The following PTPN9 variants were observed in gnomAD, a reference collection of about 807,000 sequenced individuals.
PTPN9 encodes tyrosine-protein phosphatase non-receptor type 9.
Under a neutral mutation model 69.8 loss-of-function variants are expected in PTPN9, and 26 were observed. The observed-to-expected ratio is 0.37, with a 90% CI of 0.27 to 0.52. The LOEUF (loss-of-function observed/expected upper bound fraction) is 0.52. PTPN9 is among the 20% of genes least tolerant of loss of function. The probability of loss-of-function intolerance (pLI) is 0.91; values close to 1 mark genes in which losing one functional copy is unlikely to be tolerated. For synonymous variants in PTPN9, 274 were observed against 272.5 expected (o/e 1.01, Z -0.05); for missense variants, 549 against 740.3 (o/e 0.74, Z 3.00).
intron 5 of PTPN9, chr15:75,513,528 A>G: frequency 5.0e-6 from 2 of 398,632 alleles, no homozygotes; most frequent in South Asian, 1.8e-5. Context: ...GGACTTTGAG[A>G]GGCCAAGGTG....
chr15:75,481,933 G>A (rs543563738), intron 8 of PTPN9, among the ~76,000 whole-genome samples: 4 of 145,482 alleles, frequency 2.7e-5, no homozygotes, highest in African/African-American at 7.6e-5. Flanking sequence ...CCCTCTGCCC[G>A]GCCACCACCC....
At position 75,527,105 on chromosome 15, in the gene PTPN9, CT is replaced by C. The variant is rs770428114; in HGVS notation, c.207+12del. The C allele has an allele frequency of 5.6e-6, 9 of 1,613,986 alleles. No homozygotes were observed. The highest frequency in any genetic ancestry group is 1.6e-4 in the Middle Eastern group (1 of 6,084). On this transcript the variant is annotated intron_variant, in intron 2 of 12. Coordinates refer to ENST00000618819, the MANE Select transcript of PTPN9 (RefSeq NM_002833.4). ...CAACTGCCACAGGTCTGGTCTACCC[CT>C]GAGCCACATACTCTGTAGGAGTGGA... is the stretch of plus-strand genomic sequence containing the variant.
Position 75,555,724 on chromosome 15 carries a change from C to G in PTPN9, c.63+22990G>C, listed in dbSNP as rs1329686748. Among the ~76,000 whole-genome samples, 7 of 151,878 alleles carry G rather than the reference C, an allele frequency of 4.6e-5. No individual in the cohort carries two copies. The East Asian group carries it at 1.4e-3, about 29-fold the overall frequency. ...TTCGCCATATTGGCCAGGCTGGTCT[C>G]GAACTACTGGCCTCAAGTAATCCAC... On this transcript the variant is annotated intron_variant, in intron 1 of 12. Coordinates refer to ENST00000618819, the MANE Select transcript of PTPN9 (RefSeq NM_002833.4).
intron 1 of PTPN9, among the ~76,000 whole-genome samples, chr15:75,552,236 TAAA>T (rs1194927038): frequency 7.4e-6 from 1 of 135,724 alleles, no homozygotes; most frequent in Admixed American, 7.5e-5. Flanking sequence ...CCATCTCTAC[TAAA>T]AAAAAAAAAA....
chr15:75,501,409 G>C (rs573652135), intron 7 of PTPN9, among the ~76,000 whole-genome samples: 1 of 151,456 alleles, frequency 6.6e-6, no homozygotes, highest in East Asian at 1.9e-4. Context: ...GGACCCACTA[G>C]GATGGCTTCC....
intron 8 of PTPN9, chr15:75,487,423 G>A (rs2074685531): frequency 1.3e-5 from 2 of 151,870 alleles, no homozygotes; most frequent in African/African-American, 4.8e-5. Context: ...GTTTCAGTAA[G>A]GAGAGGGACT....
At chr15:75,525,653 C>A (rs2074924218) in intron 2 of PTPN9, among the ~76,000 whole-genome samples, 1 of 151,638 alleles carries the variant, frequency 6.6e-6, no homozygotes, top group Non-Finnish European at 1.5e-5. Context: ...CACGGTGGCT[C>A]ATGCCTGTAA....
rs1324322044 is a variant in PTPN9 at position 75,469,874 on chromosome 15, C to T, written c.1485G>A (p.Val495=). The part of the protein sequence containing the change: ...RVVRNQQSLA[V]SNMGARSKGQ... Reference sequence around the variant, plus strand: ...CTTTGGAGCGTGCTCCCATGTTGCTCACAGCCAGACTCTGCTGGTTTCTGA... The same window carrying T: ...CTTTGGAGCGTGCTCCCATGTTGCTTACAGCCAGACTCTGCTGGTTTCTGA... The change falls in exon 12 of 13, where the codon GTG becomes GTA. Residue 495 remains valine (V), a synonymous_variant. Coordinates refer to ENST00000618819, the MANE Select transcript of PTPN9 (RefSeq NM_002833.4). 1 of 1,614,096 alleles carries T rather than the reference C, an allele frequency of 6.2e-7. No individual in the cohort carries two copies. Among genetic ancestry groups the T allele is most frequent in the South Asian group, 1.1e-5 (1 of 91,072 alleles).
chr15:75,504,671 C>T (rs1451705920), intron 7 of PTPN9, among the ~76,000 whole-genome samples: 29 of 143,808 alleles, frequency 2.0e-4, no homozygotes, highest in African/African-American at 7.5e-4. Context: ...GGCCAGCCGC[C>T]CTGTCCGGGA....
chr15:75,505,708 C>T lies in PTPN9; in HGVS notation c.935G>A (p.Arg312His), dbSNP rs146356869. 224 of 1,613,918 alleles carry T rather than the reference C, an allele frequency of 1.4e-4. No homozygotes were observed. The highest frequency in any genetic ancestry group is 1.8e-4 in the Non-Finnish European group (212 of 1,179,994). Residue 312 changes from arginine (R) to histidine (H), a missense_variant, in exon 7 of 13, where the codon CGT (arginine) becomes CAT (histidine). Physicochemically the swap from Arg to His is conservative, Grantham distance 29. Around this residue, in one of 3 missense-constraint regions of PTPN9, gnomAD observed 457 missense variants for 661.9 expected, o/e 0.69. Transcript: ENST00000618819. ...GTGGAAAGTGCCAACAGGGTTCTCA[C>T]GACGAATGTCTTCATATTCCTCATA... is the stretch of plus-strand genomic sequence containing the variant. ...GIYEEYEDIR[R>H]ENPVGTFHCS...
rs1357359514 is a variant in PTPN9, at chr15:75,530,714, T to TA, written c.64-3454dup. ...ATAATATATATAATATATATTATTA[T>TA]ATAATATATATAATATATATTATTA... On this transcript the variant is annotated intron_variant, in intron 1 of 12. Transcript: ENST00000618819. 2.4e-4 allele frequency among the ~76,000 whole-genome samples: 7 copies of TA among 29,654 alleles called. 1 individual carries two copies. The highest frequency in any genetic ancestry group is 4.5e-4 in the African/African-American group (2 of 4,404). The allele number at this position is 29,654 out of a possible 152,430, so 19.5% of individuals were successfully genotyped here. A position where few individuals can be genotyped will look rare whatever the true frequency, so the allele number is the denominator to read the frequency against.
At chr15:75,530,709 TATTATATAATATATATA>T (rs2074956418) in intron 1 of PTPN9, among the ~76,000 whole-genome samples, 1 of 29,434 alleles carries the variant, frequency 3.4e-5, no homozygotes, top group African/African-American at 2.5e-4. Context: ...TAATATATAT[TATTATATAATATATATA>T]ATATATATTA....
chr15:75,575,656 A>G (rs914166306), intron 1 of PTPN9, among the ~76,000 whole-genome samples: 1 of 152,176 alleles, frequency 6.6e-6, no homozygotes, highest in Non-Finnish European at 1.5e-5. Flanking sequence ...GCGGTGGTTC[A>G]CGCCTGTAAT....
intron 5 of PTPN9, 82 bp downstream of exon 5, chr15:75,517,177 C>T: frequency 9.6e-7 from 1 of 1,043,968 alleles, no homozygotes; most frequent in Non-Finnish European, 1.4e-6. Context: ...TGCATCTTTC[C>T]TAAATCTTTT....
At chr15:75,544,692 C>T (rs115153340) in intron 1 of PTPN9, among the ~76,000 whole-genome samples, 232 of 152,264 alleles carry the variant, frequency 1.5e-3, no homozygotes, top group African/African-American at 5.5e-3. Flanking sequence ...AACTGCCACT[C>T]ATGCCGCTAA....
chr15:75,486,116 A>AC (rs1396107789), intron 8 of PTPN9, among the ~76,000 whole-genome samples: 3 of 151,616 alleles, frequency 2.0e-5, no homozygotes, highest in Middle Eastern at 6.3e-3. Context: ...AAAAAAAAAA[A>AC]CAAAACTGAA....
rs995726184 is a variant in PTPN9, at chr15:75,463,980, C to A, written c.*4789G>T. ...CTGTTCATGCTTTGCCTCTGAGAAA[C>A]CCTGTAGACCCCACATTAAGAAACA... On this transcript the variant is annotated 3_prime_UTR_variant, in exon 13 of 13. Coordinates refer to ENST00000618819, the MANE Select transcript of PTPN9 (RefSeq NM_002833.4). 2 of 152,150 alleles carry A rather than the reference C, an allele frequency of 1.3e-5. No homozygotes were observed. The highest frequency in any genetic ancestry group is 2.9e-5 in the Non-Finnish European group (2 of 68,048). 9.4% of individuals were successfully genotyped at this position (152,150 alleles called of 1,614,324 possible).
chr15:75,505,792 T>G lies in PTPN9; in HGVS notation c.851A>C (p.His284Pro), dbSNP rs776203851. Residue 284 changes from histidine (H) to proline (P), a missense_variant, in exon 7 of 13, where the codon CAT becomes CCT. Physicochemically the swap from His to Pro is moderately conservative, Grantham distance 77 (BLOSUM62 -2). Around this residue, in one of 3 missense-constraint regions of PTPN9, gnomAD observed 457 missense variants for 661.9 expected, o/e 0.69. Transcript: ENST00000618819. ...DWDSVHVPGP[H>P]AMTIQELVDY... is the part of the protein sequence containing the mutation. The stretch of plus-strand genomic sequence containing the variant: ...CACCAACTCTTGGATGGTCATAGCA[T>G]GGGGACCTGGAACATGTACTGAGTC... 1 of 1,614,100 alleles carries G rather than the reference T, an allele frequency of 6.2e-7. No homozygotes were observed. Among genetic ancestry groups the G allele is most frequent in the South Asian group, 1.1e-5 (1 of 91,078 alleles).
chr15:75,551,674 A>G (rs1231719253), intron 1 of PTPN9, among the ~76,000 whole-genome samples: 1 of 152,122 alleles, frequency 6.6e-6, no homozygotes, highest in African/African-American at 2.4e-5. Context: ...TAGCATCCCA[A>G]ACAAGGAGGC....
Sources: allele counts gnomAD v4.1 joint callset (sites outside exome capture counted in the v4.1 genomes callset), GRCh38; gene constraint gnomAD v4.1.1; regional missense constraint gnomAD v4.1.1; transcripts MANE v1.5; gene names NCBI Gene and HGNC (gene_info 2026-07-23, HGNC 2026-07-21).